MSH3: variants seen among roughly 807,000 people sequenced by gnomAD.
MSH3 encodes mutS homolog 3, also known as DNA mismatch repair protein Msh3.
In MSH3, 106 loss-of-function variants were observed where a neutral mutation model predicts 123.3. The observed-to-expected ratio is 0.86, with a 90% CI of 0.73 to 1.01. The LOEUF is 1.01. Among genes scored for constraint, MSH3 ranks in the 50% least tolerant of loss-of-function variants. MSH3 has a pLI of 0.00. For synonymous variants in MSH3, 515 were observed against 481.4 expected (o/e 1.07, Z -0.91); for missense variants, 1,459 against 1,347.6 (o/e 1.08, Z -1.29).
rs1021038969 is a variant in MSH3 at position 80,863,881 on chromosome 5, G to C, written c.3001-932G>C. ...GAGGAATCTCTCAGCAGACTTCACA[G>C]AGAGAGAAGAGGTTGTAAAATGTTT... On this transcript the variant is annotated intron_variant, in intron 21 of 23. Coordinates refer to ENST00000265081, the MANE Select transcript of MSH3 (RefSeq NM_002439.5). Among the ~76,000 whole-genome samples the C allele has an allele frequency of 2.0e-5, 3 of 152,120 alleles. No homozygotes were observed. The South Asian group carries it at 6.2e-4, about 32-fold the overall frequency.
intron 15 of MSH3, among the ~76,000 whole-genome samples, chr5:80,775,264 T>C (rs547889858): frequency 2.6e-5 from 4 of 152,330 alleles, no homozygotes; most frequent in Admixed American, 2.0e-4. Context: ...AAAAATCCTC[T>C]CTGTTCAGAA....
intron 18 of MSH3, among the ~76,000 whole-genome samples, chr5:80,788,670 C>T (rs944517149): frequency 6.6e-5 from 10 of 151,818 alleles, no homozygotes; most frequent in African/African-American, 1.9e-4. Context: ...ATTAGCTGGG[C>T]GTGGTGGTGC....
At chr5:80,685,381 G>A (rs138633985) in intron 8 of MSH3, among the ~76,000 whole-genome samples, 9 of 151,622 alleles carry the variant, frequency 5.9e-5, no homozygotes, top group South Asian at 2.1e-4. Context: ...GGATTTCTTC[G>A]TGGTTCAATC....
intron 8 of MSH3, among the ~76,000 whole-genome samples, chr5:80,717,071 T>A (rs1156434792): frequency 6.6e-6 from 1 of 152,196 alleles, no homozygotes; most frequent in Non-Finnish European, 1.5e-5. Flanking sequence ...AGTATTCCAT[T>A]GTGTGTATAT....
intron 8 of MSH3, among the ~76,000 whole-genome samples, chr5:80,717,199 A>C (rs1490799844): frequency 6.6e-6 from 1 of 152,100 alleles, no homozygotes; most frequent in Non-Finnish European, 1.5e-5. Flanking sequence ...TGACATACTG[A>C]GTTTGTTTCC....
At chr5:80,796,775 C>A (rs1744705494) in intron 19 of MSH3, among the ~76,000 whole-genome samples, 1 of 152,142 alleles carries the variant, frequency 6.6e-6, no homozygotes, top group African/African-American at 2.4e-5. Flanking sequence ...TTAAAATACT[C>A]TTTCTTTTTG....
At chr5:80,865,156 C>T (rs6151919) in intron 22 of MSH3, among the ~76,000 whole-genome samples, 1 of 152,012 alleles carries the variant, frequency 6.6e-6, no homozygotes, top group East Asian at 1.9e-4. Context: ...TCTTCCTTGT[C>T]TCATTTGTCG....
intron 20 of MSH3, among the ~76,000 whole-genome samples, chr5:80,821,100 T>C (rs1474960295): frequency 6.6e-6 from 1 of 152,238 alleles, no homozygotes; most frequent in Non-Finnish European, 1.5e-5. Context: ...AACAATCTAG[T>C]ACCTGACATA....
chr5:80,843,162 C>A (rs1435165684), intron 20 of MSH3, among the ~76,000 whole-genome samples: 1 of 151,862 alleles, frequency 6.6e-6, no homozygotes, highest in Non-Finnish European at 1.5e-5. Context: ...TTGAGATAAT[C>A]ATGTGGTTTT....
chr5:80,754,054 T>C (rs771332877), intron 12 of MSH3, among the ~76,000 whole-genome samples: 7 of 152,220 alleles, frequency 4.6e-5, no homozygotes, highest in Non-Finnish European at 7.3e-5. Flanking sequence ...TGGTTTTTGT[T>C]GTTTCAATTC....
intron 20 of MSH3, among the ~76,000 whole-genome samples, chr5:80,840,259 A>ATATCATT (rs1745597303): frequency 6.6e-6 from 1 of 152,174 alleles, no homozygotes; most frequent in African/African-American, 2.4e-5. Flanking sequence ...ATTCTAAGGT[A>ATATCATT]CTAAACTTTG....
chr5:80,862,128 A>G (rs1746023176), intron 21 of MSH3, among the ~76,000 whole-genome samples: 1 of 152,154 alleles, frequency 6.6e-6, no homozygotes, highest in Admixed American at 6.5e-5. Flanking sequence ...TGAGGAGCAC[A>G]GTGTCGGATC....
intron 15 of MSH3, 151 bp from the exon 16 acceptor site, chr5:80,775,543 G>A: frequency 3.4e-6 from 2 of 591,236 alleles, no homozygotes; most frequent in South Asian, 2.1e-5. Context: ...ATATTTGTCT[G>A]TATTGACATA....
At chr5:80,732,842 C>T (rs1253626243) in intron 10 of MSH3, among the ~76,000 whole-genome samples, 1 of 152,106 alleles carries the variant, frequency 6.6e-6, no homozygotes, top group Non-Finnish European at 1.5e-5. Flanking sequence ...TGATAAAAAA[C>T]GCTCAAAAAA....
At position 80,749,441 on chromosome 5, in the gene MSH3, C is replaced by A. The variant is rs185930798; in HGVS notation, c.1763+4826C>A. Among the ~76,000 whole-genome samples the A allele has an allele frequency of 4.1e-3, 628 of 152,276 alleles. 2 individuals are homozygous for A. The highest frequency in any genetic ancestry group is 7.0e-3 in the Non-Finnish European group (478 of 68,014). ...GTTTCTCTGCCTGCTTTTATCATAGCCACACTGGCAGCTGATTAGATGGTG... is the reference window on the plus strand; with the variant it reads ...GTTTCTCTGCCTGCTTTTATCATAGACACACTGGCAGCTGATTAGATGGTG... On this transcript the variant is annotated intron_variant, in intron 12 of 23. Coordinates refer to ENST00000265081, the MANE Select transcript of MSH3 (RefSeq NM_002439.5).
chr5:80,843,196 C>T (rs142130026), intron 20 of MSH3, among the ~76,000 whole-genome samples: 5 of 151,826 alleles, frequency 3.3e-5, no homozygotes, highest in East Asian at 3.9e-4. Flanking sequence ...GTTTATGTTT[C>T]GGATTACACT....
chr5:80,794,477 T>G (rs995546364), intron 19 of MSH3, among the ~76,000 whole-genome samples: 9 of 152,288 alleles, frequency 5.9e-5, no homozygotes, highest in Admixed American at 5.9e-4. Flanking sequence ...TGATGAGAAT[T>G]TGGTCAAGGA....
chr5:80,818,892 T>C (rs1321358865), intron 20 of MSH3, among the ~76,000 whole-genome samples: 1 of 152,198 alleles, frequency 6.6e-6, no homozygotes, highest in African/African-American at 2.4e-5. Flanking sequence ...TAAGTTTTTT[T>C]GTTATTGTTC....
chr5:80,870,872 A>T (rs1746201001), intron 22 of MSH3, among the ~76,000 whole-genome samples: 1 of 152,238 alleles, frequency 6.6e-6, no homozygotes, highest in Admixed American at 6.5e-5. Flanking sequence ...GTATACTGGG[A>T]TTGTAGAAAT....
Sources: allele counts gnomAD v4.1 joint callset (sites outside exome capture counted in the v4.1 genomes callset), GRCh38; gene constraint gnomAD v4.1.1; transcripts MANE v1.5; gene names NCBI Gene and HGNC (gene_info 2026-07-23, HGNC 2026-07-21).